Variants in NDUFAF7 observed in about 807,000 individuals in gnomAD.
The protein encoded by NDUFAF7 is protein arginine methyltransferase NDUFAF7, mitochondrial.
Under a neutral mutation model 47.2 loss-of-function variants are expected in NDUFAF7, and 48 were observed. The ratio of observed to expected loss-of-function variants is 1.02; its 90% confidence interval spans 0.81 to 1.29. NDUFAF7 has a LOEUF of 1.29. NDUFAF7 is among the 50% of genes most tolerant of loss of function. The pLI is 0.00. For missense variants in NDUFAF7, 635 were observed against 537.6 expected, an observed-to-expected ratio of 1.18 and a Z score of -1.79; for synonymous variants, 217 against 190.0, an observed-to-expected ratio of 1.14 and a Z score of -1.17.
chr2:37,260,535 G>C, the NDUFAF7 span: 1 of 762,592 alleles, frequency 1.3e-6, no homozygotes, highest in South Asian at 1.7e-5. Flanking sequence ...TCAATGAAAA[G>C]GATCTTAGGT....
chr2:37,253,521 A>G, downstream of NDUFAF7: 1 of 486,798 alleles, frequency 2.1e-6, no homozygotes, highest in Non-Finnish European at 3.5e-6. Flanking sequence ...ATTTTAAATG[A>G]GCAATTTAAA....
At chr2:37,267,459 G>A in the NDUFAF7 span, 1 of 1,606,528 alleles carries the variant, frequency 6.2e-7, no homozygotes, top group South Asian at 1.1e-5. Flanking sequence ...TTACGGAGTT[G>A]ACTTTCTTGT....
chr2:37,245,677 C>T (rs1407860112), intron 7 of NDUFAF7, among the ~76,000 whole-genome samples: 1 of 31,912 alleles, frequency 3.1e-5, no homozygotes, highest in East Asian at 1.1e-3. Context: ...TGGCACTGTT[C>T]TAGGCAGACA....
chr2:37,256,579 G>C (rs1484489124), downstream of NDUFAF7: 6 of 1,393,642 alleles, frequency 4.3e-6, no homozygotes, highest in East Asian at 1.3e-4. Flanking sequence ...GCAAGAGACA[G>C]ACTGATTTGG....
the NDUFAF7 span, among the ~76,000 whole-genome samples, chr2:37,261,489 A>G: frequency 6.8e-6 from 1 of 146,632 alleles, no homozygotes; most frequent in African/African-American, 2.5e-5. Context: ...TTTGTCTCAA[A>G]TAAAAAAAAG....
chr2:37,255,234 T>C (rs1218245300), downstream of NDUFAF7, among the ~76,000 whole-genome samples: 1 of 152,238 alleles, frequency 6.6e-6, no homozygotes, highest in Non-Finnish European at 1.5e-5. Flanking sequence ...TGCTACTGTC[T>C]TCACATGTTG....
At position 37,241,868 on chromosome 2, in the gene NDUFAF7, C is replaced by A. The variant is rs1350293253; in HGVS notation, c.622+77C>A. ...GTATTGATGGGACTGTAACTTTTTA[C>A]AGCAATATAATAGATTGAGTTACTG... On this transcript the variant is annotated intron_variant, in intron 5 of 9. Transcript: ENST00000002125. 1.6e-5 allele frequency: 21 copies of A among 1,295,514 alleles called. No individual in the cohort carries two copies. In the Middle Eastern group the frequency reaches 1.3e-3, roughly 80 times the overall value. The allele number at this position is 1,295,514 out of a possible 1,614,324, so 80.3% of individuals were successfully genotyped here.
At position 37,248,481 on chromosome 2, in the gene NDUFAF7, TA is replaced by T; in HGVS notation, c.*132del. ...CACAGCAAGAACAGTCCATGTTGTA[TA>T]TAATACAACCAACATTATAGAACTT... On this transcript the variant is annotated 3_prime_UTR_variant, in exon 10 of 10. Transcript: ENST00000002125. 2 of 904,406 alleles carry T rather than the reference TA, an allele frequency of 2.2e-6. No individual in the cohort carries two copies. The highest frequency in any genetic ancestry group is 3.6e-6 in the Non-Finnish European group (2 of 563,356). The allele number at this position is 904,406 out of a possible 1,614,324, so 56.0% of individuals were successfully genotyped here.
rs770888769 is a variant in NDUFAF7, at chr2:37,244,821, C to T, written c.792+848C>T. Among the ~76,000 whole-genome samples, 3 of 152,144 alleles carry T rather than the reference C, an allele frequency of 2.0e-5. No individual in the cohort carries two copies. In the East Asian group the frequency reaches 5.8e-4, roughly 29 times the overall value. ...ACCTGTTTTTTCATAGTATAGCAAT[C>T]TAAGTTTACCTGAATGACATATTCA... On this transcript the variant is annotated intron_variant, in intron 7 of 9. Transcript: ENST00000002125.
chr2:37,264,807 T>G, the NDUFAF7 span, among the ~76,000 whole-genome samples: 44 of 152,318 alleles, frequency 2.9e-4, no homozygotes, highest in African/African-American at 9.9e-4. Context: ...TCAAGTGATT[T>G]TGATTCACTT....
chr2:37,247,297 G>A, intron 8 of NDUFAF7, 159 bp from the exon 9 acceptor site: 1 of 816,630 alleles, frequency 1.2e-6, no homozygotes, highest in South Asian at 1.7e-5. Context: ...CATATACTTT[G>A]TAAAACACTG....
At chr2:37,269,185 C>T in the NDUFAF7 span, 10 of 192,928 alleles carry the variant, frequency 5.2e-5, no homozygotes, top group East Asian at 2.4e-4. Flanking sequence ...TATCCTAAAT[C>T]GCAAAGTTGG....
At chr2:37,252,386 G>A (rs1018225175), downstream of NDUFAF7, 1 of 152,186 alleles carries the variant, frequency 6.6e-6, no homozygotes, top group African/African-American at 2.4e-5. Context: ...TAGCAGCAGA[G>A]TGGAGCTATG....
At chr2:37,260,055 C>T in the NDUFAF7 span, among the ~76,000 whole-genome samples, 4 of 152,072 alleles carry the variant, frequency 2.6e-5, no homozygotes, top group East Asian at 5.8e-4. Flanking sequence ...ATCCTAGATA[C>T]TTGGGAGGCT....
intron 5 of NDUFAF7, 129 bp downstream of exon 5, chr2:37,241,920 T>C: frequency 1.3e-6 from 1 of 756,926 alleles, no homozygotes; most frequent in East Asian, 2.7e-5. Context: ...CCATAGAGAG[T>C]AGCCTACTTT....
At chr2:37,250,754 ACAAAAAGTTGG>A, downstream of NDUFAF7, 1 of 152,020 alleles carries the variant, frequency 6.6e-6, no homozygotes, top group Admixed American at 6.6e-5. Flanking sequence ...CAGTATATTT[ACAAAAAGTTGG>A]ATATAACCAA....
intron 8 of NDUFAF7, among the ~76,000 whole-genome samples, chr2:37,246,561 A>G (rs1354595422): frequency 6.6e-6 from 1 of 152,128 alleles, no homozygotes; most frequent in Non-Finnish European, 1.5e-5. Context: ...GATTTAAACT[A>G]CCTACTGTAA....
chr2:37,238,180 C>G (rs1279727346), intron 4 of NDUFAF7, among the ~76,000 whole-genome samples: 1 of 152,116 alleles, frequency 6.6e-6, no homozygotes, highest in East Asian at 1.9e-4. Context: ...TGGCTCAATC[C>G]TAGCACTTTG....
At chr2:37,246,249 C>T in intron 8 of NDUFAF7, 54 bp downstream of exon 8, 1 of 1,590,406 alleles carries the variant, frequency 6.3e-7, no homozygotes, top group Non-Finnish European at 8.6e-7. Flanking sequence ...AGATCTGAAG[C>T]CCATTGAAGA....
Sources: allele counts gnomAD v4.1 joint callset (sites outside exome capture counted in the v4.1 genomes callset), GRCh38; gene constraint gnomAD v4.1.1; transcripts MANE v1.5; gene names NCBI Gene and HGNC (gene_info 2026-07-23, HGNC 2026-07-21).